KIAA2012: variants seen among roughly 807,000 people sequenced by gnomAD.
The protein encoded by KIAA2012 is KIAA2012.
KIAA2012 carries 125 observed loss-of-function variants against 150.6 expected under a neutral mutation model. That is an observed-to-expected ratio of 0.83 (90% CI 0.72 to 0.96). The LOEUF is 0.96. Among genes scored for constraint, KIAA2012 ranks in the 40% least tolerant of loss-of-function variants. KIAA2012 has a pLI of 0.00. For missense variants in KIAA2012, 1,219 were observed against 1,354.9 expected, an observed-to-expected ratio of 0.90 and a Z score of 1.57; for synonymous variants, 462 against 504.7, an observed-to-expected ratio of 0.92 and a Z score of 1.13.
intron 22 of KIAA2012, 69 bp downstream of exon 22, chr2:202,197,088 C>T: frequency 6.5e-7 from 1 of 1,545,524 alleles, no homozygotes; most frequent in South Asian, 1.2e-5. Flanking sequence ...AGTGCTAGTG[C>T]TAGCTTTGCA....
rs1217433486 is a variant in KIAA2012 at position 202,112,292 on chromosome 2, C to T, written c.1652-1044C>T. Among the ~76,000 whole-genome samples, 12 of 152,160 alleles carry T rather than the reference C, an allele frequency of 7.9e-5. No homozygotes were observed. The South Asian group carries it at 2.5e-3, about 32-fold the overall frequency. Reference sequence around the variant, plus strand: ...TTGACCACGAATTGATAAGCTTCAGCATTGCTGAGCGTGTCTAGGTGGGAG... The same window carrying T: ...TTGACCACGAATTGATAAGCTTCAGTATTGCTGAGCGTGTCTAGGTGGGAG... On this transcript the variant is annotated intron_variant, in intron 10 of 23. Transcript: ENST00000498697.
intron 12 of KIAA2012, among the ~76,000 whole-genome samples, chr2:202,128,774 C>A (rs1386642578): frequency 6.7e-6 from 1 of 150,368 alleles, no homozygotes; most frequent in African/African-American, 2.5e-5. Flanking sequence ...ACAGCCTCCA[C>A]AGGAAAATGC....
At chr2:202,190,524 G>T in intron 19 of KIAA2012, 31 bp downstream of exon 19, 1 of 1,445,172 alleles carries the variant, frequency 6.9e-7, no homozygotes, top group Admixed American at 2.8e-5. Flanking sequence ...CTTGACAGAG[G>T]AAGTTCTGTT....
At chr2:202,139,435 G>A (rs1691151713) in intron 13 of KIAA2012, among the ~76,000 whole-genome samples, 1 of 152,078 alleles carries the variant, frequency 6.6e-6, no homozygotes. Context: ...GCAGCTCCAG[G>A]GGACTCCCAG....
chr2:202,187,148 A>T, intron 17 of KIAA2012, 50 bp downstream of exon 17: 1 of 1,506,734 alleles, frequency 6.6e-7, no homozygotes. Context: ...CTTGGATCTC[A>T]TCAAGGATAC....
intron 12 of KIAA2012, among the ~76,000 whole-genome samples, chr2:202,132,728 A>ATAT (rs1187071863): frequency 1.7e-5 from 1 of 60,550 alleles, no homozygotes; most frequent in Non-Finnish European, 3.3e-5. Context: ...ATATATATAT[A>ATAT]GTATATATGT....
intron 7 of KIAA2012, among the ~76,000 whole-genome samples, chr2:202,102,010 C>T (rs1371010448): frequency 1.3e-5 from 2 of 151,998 alleles, no homozygotes; most frequent in Non-Finnish European, 2.9e-5. Flanking sequence ...TTTTATTTTT[C>T]CTCCTATGAA....
chr2:202,154,788 TCGACATGACGC>T lies in KIAA2012; in HGVS notation c.2027_2037del (p.Asp676ValfsTer37). On this transcript the variant is annotated frameshift_variant, in exon 14 of 24. Coordinates refer to ENST00000498697, the MANE Select transcript of KIAA2012 (RefSeq NM_001277372.4). LOFTEE classifies it high-confidence loss of function. ...GAATTTTACACGCGCAAGCTGCACA[TCGACATGACGC>T]CGTTCCTGAAGGTGATCTCACACTG... The T allele has an allele frequency of 6.5e-7, 1 of 1,548,400 alleles. No homozygotes were observed. The highest frequency in any genetic ancestry group is 1.2e-5 in the South Asian group (1 of 83,396).
chr2:202,176,190 A>G (rs1691984992), intron 15 of KIAA2012, among the ~76,000 whole-genome samples: 1 of 150,482 alleles, frequency 6.6e-6, no homozygotes, highest in Non-Finnish European at 1.5e-5. Context: ...CATAAAGAAA[A>G]TTATTGATAA....
At chr2:202,086,762 C>A (rs2105912631) in intron 2 of KIAA2012, among the ~76,000 whole-genome samples, 1 of 152,202 alleles carries the variant, frequency 6.6e-6, no homozygotes, top group East Asian at 1.9e-4. Flanking sequence ...GCACTCTGGC[C>A]CTAAATCTAG....
chr2:202,083,943 G>A (rs1374417238), intron 2 of KIAA2012, among the ~76,000 whole-genome samples: 8 of 152,216 alleles, frequency 5.3e-5, no homozygotes, highest in Non-Finnish European at 1.0e-4. Flanking sequence ...GCTTCTTGGA[G>A]AAGGTAGAAT....
chr2:202,153,163 C>T (rs937542714), intron 13 of KIAA2012, among the ~76,000 whole-genome samples: 6 of 152,146 alleles, frequency 3.9e-5, no homozygotes, highest in Non-Finnish European at 7.3e-5. Flanking sequence ...CAATATGTAT[C>T]AAGTGTGTGT....
intron 15 of KIAA2012, among the ~76,000 whole-genome samples, chr2:202,170,915 A>G (rs370039644): frequency 1.3e-5 from 2 of 152,150 alleles, no homozygotes; most frequent in African/African-American, 4.8e-5. Context: ...TGGTATCCCT[A>G]TTTGTCAGAT....
intron 14 of KIAA2012, among the ~76,000 whole-genome samples, chr2:202,159,297 C>T (rs115838444): frequency 0.021 from 3,108 of 151,070 alleles, 106 homozygotes; most frequent in African/African-American, 0.071. Context: ...AGAGGGATCA[C>T]GAGCTGGTCT....
chr2:202,199,067 G>T (rs192114027), intron 22 of KIAA2012, among the ~76,000 whole-genome samples: 1 of 152,278 alleles, frequency 6.6e-6, no homozygotes, highest in African/African-American at 2.4e-5. Context: ...CACACGAGAA[G>T]AAAACTGACG....
At chr2:202,181,785 T>G (rs1262490499) in intron 15 of KIAA2012, among the ~76,000 whole-genome samples, 3 of 152,086 alleles carry the variant, frequency 2.0e-5, no homozygotes, top group African/African-American at 7.2e-5. Flanking sequence ...TGGTTCTTGT[T>G]TGTTTTTACC....
chr2:202,201,448 C>T, intron 22 of KIAA2012: 1 of 1,593,726 alleles, frequency 6.3e-7, no homozygotes, highest in South Asian at 1.1e-5. Context: ...GTTACGAGGA[C>T]ATTGGCTGCC....
intron 2 of KIAA2012, among the ~76,000 whole-genome samples, chr2:202,076,199 T>C (rs956737201): frequency 6.7e-6 from 1 of 149,404 alleles, no homozygotes; most frequent in Admixed American, 6.7e-5. Flanking sequence ...CATACCGTCA[T>C]GCACTGAAAT....
intron 12 of KIAA2012, among the ~76,000 whole-genome samples, chr2:202,126,937 A>C (rs1486411248): frequency 1.3e-5 from 2 of 152,164 alleles, no homozygotes; most frequent in African/African-American, 4.8e-5. Context: ...ATCTGACAAT[A>C]TATGAGAGTT....
Sources: gnomAD v4.1 joint callset for allele counts (sites outside exome capture counted in the v4.1 genomes callset) on GRCh38, gnomAD v4.1.1 for gene constraint, MANE v1.5 for transcripts, NCBI Gene and HGNC (gene_info 2026-07-23, HGNC 2026-07-21) for gene names.